Variants in STK32A observed in about 807,000 individuals in gnomAD.
The protein encoded by STK32A is serine/threonine-protein kinase 32A.
Under a neutral mutation model 53.2 loss-of-function variants are expected in STK32A, and 41 were observed. That is an observed-to-expected ratio of 0.77 (90% CI 0.60 to 1.00). The LOEUF (loss-of-function observed/expected upper bound fraction) is 1.00. STK32A is among the 50% of genes least tolerant of loss of function. The pLI is 0.00. For synonymous variants in STK32A, 166 were observed against 162.8 expected, an observed-to-expected ratio of 1.02 and a Z score of -0.15; for missense variants, 458 against 485.8, an observed-to-expected ratio of 0.94 and a Z score of 0.54.
At chr5:147,357,094 C>A (rs1756282551) in intron 7 of STK32A, among the ~76,000 whole-genome samples, 1 of 151,912 alleles carries the variant, frequency 6.6e-6, no homozygotes, top group Non-Finnish European at 1.5e-5. Flanking sequence ...GTATTTATTT[C>A]AAAAAATAGT....
chr5:147,401,230 A>C, the STK32A span, among the ~76,000 whole-genome samples: 1 of 152,234 alleles, frequency 6.6e-6, no homozygotes, highest in African/African-American at 2.4e-5. Context: ...AATGCTGATA[A>C]GAGTGCCTCA....
At chr5:147,239,422 AAC>A in intron 1 of STK32A, 115 bp from the exon 2 acceptor site, 1 of 441,960 alleles carries the variant, frequency 2.3e-6, no homozygotes. Flanking sequence ...TTGGTTTTCA[AAC>A]ACAAAAGTTT....
intron 4 of STK32A, among the ~76,000 whole-genome samples, chr5:147,288,974 C>T (rs1336507133): frequency 3.3e-5 from 5 of 152,132 alleles, no homozygotes; most frequent in African/African-American, 4.8e-5. Context: ...TACAAATATT[C>T]GTTCTTTCCT....
intron 8 of STK32A, among the ~76,000 whole-genome samples, chr5:147,368,829 C>T (rs1468111891): frequency 6.6e-6 from 1 of 152,010 alleles, no homozygotes; most frequent in African/African-American, 2.4e-5. Context: ...TTGTGGCATT[C>T]ATCAGTTAAT....
At chr5:147,329,537 A>G (rs939197178) in intron 5 of STK32A, among the ~76,000 whole-genome samples, 2 of 152,280 alleles carry the variant, frequency 1.3e-5, no homozygotes, top group Admixed American at 6.5e-5. Flanking sequence ...AAACACTTCA[A>G]CATTAATATC....
downstream of STK32A, among the ~76,000 whole-genome samples, chr5:147,389,178 G>C (rs1337133071): frequency 1.3e-5 from 2 of 152,106 alleles, no homozygotes; most frequent in African/African-American, 4.8e-5. Flanking sequence ...CAATTAATCA[G>C]AAATGGCCAT....
chr5:147,243,864 T>C (rs1753678411), intron 2 of STK32A, among the ~76,000 whole-genome samples: 1 of 152,210 alleles, frequency 6.6e-6, no homozygotes, highest in African/African-American at 2.4e-5. Context: ...TAATTACTTT[T>C]TTTTTATTAT....
At chr5:147,311,212 A>C (rs1753677647) in intron 4 of STK32A, among the ~76,000 whole-genome samples, 1 of 152,068 alleles carries the variant, frequency 6.6e-6, no homozygotes, top group South Asian at 2.1e-4. Flanking sequence ...AGTATCCTTC[A>C]CTTTTCTTTC....
chr5:147,373,048 TA>T lies in STK32A; in HGVS notation c.778-120del, dbSNP rs1187017053. The T allele has an allele frequency of 1.3e-5, 15 of 1,180,184 alleles. No individual in the cohort carries two copies. The East Asian group carries it at 3.1e-4, about 24-fold the overall frequency. 73.1% of individuals were successfully genotyped at this position (1,180,184 alleles called of 1,614,324 possible). A position where few individuals can be genotyped will look rare whatever the true frequency, so the allele number is the denominator to read the frequency against. On this transcript the variant is annotated intron_variant, in intron 9 of 12. Transcript: ENST00000397936. ...TCTACATTGTTTATGGGATTAGGGA[TA>T]GGGGACACTGTCTATTTTCCTTCAG...
At chr5:147,372,976 C>G (rs1455140091) in intron 9 of STK32A, among the ~76,000 whole-genome samples, 193 bp from the exon 10 acceptor site, 3 of 152,130 alleles carry the variant, frequency 2.0e-5, no homozygotes, top group Non-Finnish European at 4.4e-5. Flanking sequence ...CATTTTTACT[C>G]ATCACATTGC....
Position 147,278,128 on chromosome 5 carries a change from C to T in STK32A, c.57C>T (p.Asn19=), listed in dbSNP as rs1358105759. Residue 19 remains asparagine, a synonymous_variant, in exon 3 of 13, where the codon AAC becomes AAT. Transcript: ENST00000397936. ...PPVFDENEDV[N]FDHFEILRAI... is the part of the protein sequence containing the mutation. ...TTCTTCTTTTTTGTTTTACAGTCAA[C>T]TTTGACCACTTTGAAATTTTGCGAG... 3.1e-6 allele frequency: 5 copies of T among 1,593,068 alleles called. No homozygotes were observed. The highest frequency in any genetic ancestry group is 4.3e-6 in the Non-Finnish European group (5 of 1,168,784).
intron 5 of STK32A, among the ~76,000 whole-genome samples, chr5:147,330,760 C>T (rs575461017): frequency 5.3e-4 from 80 of 152,230 alleles, no homozygotes; most frequent in Non-Finnish European, 4.7e-4. Flanking sequence ...CTACCACACA[C>T]TCATTCCCCT....
intron 4 of STK32A, among the ~76,000 whole-genome samples, chr5:147,281,561 A>C (rs1475285242): frequency 6.6e-6 from 1 of 152,020 alleles, no homozygotes; most frequent in East Asian, 1.9e-4. Context: ...AAGACAAAGC[A>C]AAAAGAATAA....
chr5:147,315,586 G>A (rs1000686674), intron 4 of STK32A, among the ~76,000 whole-genome samples: 1 of 152,190 alleles, frequency 6.6e-6, no homozygotes, highest in Non-Finnish European at 1.5e-5. Context: ...GGAATAAGGA[G>A]TTATTATTAA....
intron 2 of STK32A, among the ~76,000 whole-genome samples, chr5:147,250,509 T>G (rs1753940195): frequency 6.6e-6 from 1 of 152,216 alleles, no homozygotes; most frequent in African/African-American, 2.4e-5. Flanking sequence ...TTATGTTGAA[T>G]GCTTCTGTGT....
chr5:147,238,314 A>C (rs1019187501), intron 1 of STK32A, among the ~76,000 whole-genome samples: 15 of 152,172 alleles, frequency 9.9e-5, no homozygotes, highest in African/African-American at 3.6e-4. Flanking sequence ...CTAATGTTAA[A>C]TGCCCAGTCT....
At chr5:147,395,556 C>A in the STK32A span, 4 of 1,609,414 alleles carry the variant, frequency 2.5e-6, no homozygotes, top group East Asian at 2.2e-5. Flanking sequence ...CTGTCCCACT[C>A]ACCTGACAGG....
intron 5 of STK32A, among the ~76,000 whole-genome samples, chr5:147,339,301 G>A (rs952576562): frequency 2.0e-5 from 3 of 152,262 alleles, no homozygotes; most frequent in Admixed American, 6.5e-5. Context: ...TACGCATGGT[G>A]TTGGGCCTGT....
intron 7 of STK32A, among the ~76,000 whole-genome samples, chr5:147,354,510 G>A (rs996160648): frequency 2.0e-5 from 3 of 152,170 alleles, no homozygotes; most frequent in Non-Finnish European, 4.4e-5. Context: ...TGGAACCTAG[G>A]AAAAATTCTG....
Sources: gnomAD v4.1 joint callset for allele counts (sites outside exome capture counted in the v4.1 genomes callset) on GRCh38, gnomAD v4.1.1 for gene constraint, MANE v1.5 for transcripts, NCBI Gene and HGNC (gene_info 2026-07-23, HGNC 2026-07-21) for gene names.